Variants in PDE4D observed in about 807,000 individuals in gnomAD.
PDE4D encodes the protein phosphodiesterase 4D, also known as 3',5'-cyclic-AMP phosphodiesterase 4D.
PDE4D carries 24 observed loss-of-function variants against 87.4 expected under a neutral mutation model. The observed-to-expected ratio is 0.27, with a 90% CI of 0.20 to 0.39. The LOEUF (loss-of-function observed/expected upper bound fraction) is 0.39, where lower values mean the gene tolerates loss of function less well. Ranked by LOEUF, PDE4D falls within the 10% of genes least tolerant of loss-of-function variation. The pLI, the probability that PDE4D is intolerant of heterozygous loss-of-function variation, is 1.00. For missense variants in PDE4D, 714 were observed against 1,041.0 expected, an observed-to-expected ratio of 0.69 and a Z score of 4.32; for synonymous variants, 384 against 383.2, an observed-to-expected ratio of 1.00 and a Z score of -0.02.
chr5:59,248,034 T>A (rs1759192922), intron 1 of PDE4D, among the ~76,000 whole-genome samples: 1 of 90,838 alleles, frequency 1.1e-5, no homozygotes, highest in Non-Finnish European at 2.0e-5. Flanking sequence ...GGATACCGTA[T>A]CTATTAGTAA....
At chr5:60,508,071 T>C (rs2150252426) in intron 1 of PDE4D, among the ~76,000 whole-genome samples, 2 of 152,324 alleles carry the variant, frequency 1.3e-5, no homozygotes, top group South Asian at 4.1e-4. Context: ...CAGGTCCTTG[T>C]CACATACTGG....
chr5:59,568,340 A>C (rs1457059646), intron 1 of PDE4D, among the ~76,000 whole-genome samples: 1 of 152,134 alleles, frequency 6.6e-6, no homozygotes, highest in African/African-American at 2.4e-5. Context: ...GATATACATA[A>C]ATGCTGAATA....
chr5:60,409,000 T>C (rs1345443803), intron 1 of PDE4D, among the ~76,000 whole-genome samples: 3 of 152,224 alleles, frequency 2.0e-5, no homozygotes, highest in Non-Finnish European at 2.9e-5. Context: ...CCAGGTCCTC[T>C]GCCAGCCCAG....
At chr5:60,149,641 C>T (rs1781316880) in intron 2 of PDE4D, among the ~76,000 whole-genome samples, 1 of 151,870 alleles carries the variant, frequency 6.6e-6, no homozygotes, top group Admixed American at 6.6e-5. Flanking sequence ...TTCCAACTGG[C>T]CATTTAGAAT....
intron 6 of PDE4D, among the ~76,000 whole-genome samples, chr5:59,015,021 G>A (rs1169272748): frequency 2.0e-5 from 3 of 152,170 alleles, no homozygotes; most frequent in Non-Finnish European, 2.9e-5. Context: ...AAGAAATGGG[G>A]AAAGGATTCC....
intron 3 of PDE4D, among the ~76,000 whole-genome samples, chr5:59,187,044 T>TTTTAACCCTAAA (rs1743084000): frequency 1.3e-5 from 2 of 152,172 alleles, no homozygotes; most frequent in African/African-American, 4.8e-5. Flanking sequence ...TAGGCAAAAT[T>TTTTAACCCTAAA]TTTAACCCTA....
chr5:60,391,302 T>C (rs1343677954), intron 1 of PDE4D, among the ~76,000 whole-genome samples: 1 of 152,220 alleles, frequency 6.6e-6, no homozygotes, highest in Admixed American at 6.5e-5. Flanking sequence ...TAGATAGCTA[T>C]AAATCAGGCT....
intron 1 of PDE4D, among the ~76,000 whole-genome samples, chr5:59,601,578 GTCTT>G (rs775341870): frequency 1.1e-4 from 17 of 151,978 alleles, no homozygotes; most frequent in African/African-American, 2.2e-4. Context: ...TACTTGAACT[GTCTT>G]TCTTTTTCCT....
At chr5:59,649,901 G>T (rs1169709964) in intron 1 of PDE4D, among the ~76,000 whole-genome samples, 3 of 24,786 alleles carry the variant, frequency 1.2e-4, no homozygotes, top group Admixed American at 5.3e-4. Flanking sequence ...GATAGTTTGT[G>T]AACCTTTTTT....
At chr5:60,268,091 G>A (rs1233791722) in intron 1 of PDE4D, among the ~76,000 whole-genome samples, 1 of 152,128 alleles carries the variant, frequency 6.6e-6, no homozygotes, top group Non-Finnish European at 1.5e-5. Context: ...AACCGCTACA[G>A]CACCAAGCAC....
chr5:59,046,420 A>AATG (rs1561382650), intron 5 of PDE4D, among the ~76,000 whole-genome samples: 1 of 143,338 alleles, frequency 7.0e-6, no homozygotes, highest in Non-Finnish European at 1.5e-5. Context: ...GAGAGAGAGA[A>AATG]TGTGTGTGTG....
intron 1 of PDE4D, among the ~76,000 whole-genome samples, chr5:59,352,909 G>A (rs920530112): frequency 1.3e-5 from 2 of 152,092 alleles, no homozygotes; most frequent in African/African-American, 4.8e-5. Context: ...TAAAATGCTG[G>A]GAAGGAAAAG....
rs1035904777 is a variant in PDE4D at position 59,566,041 on chromosome 5, G to C, written c.455+327127C>G. ...AATACAAACACATGCATATGAGTGGGTGGGTTAAACTACTATACCACCTCT... is the reference window on the plus strand; with the variant it reads ...AATACAAACACATGCATATGAGTGGCTGGGTTAAACTACTATACCACCTCT... On this transcript the variant is annotated intron_variant, in intron 1 of 14. Coordinates refer to ENST00000340635, the MANE Select transcript of PDE4D (RefSeq NM_001104631.2). 2.0e-5 allele frequency among the ~76,000 whole-genome samples: 3 copies of C among 152,194 alleles called. No individual in the cohort carries two copies. In the East Asian group the frequency reaches 5.8e-4, roughly 29 times the overall value.
At chr5:60,440,330 C>T (rs960026410) in intron 1 of PDE4D, among the ~76,000 whole-genome samples, 3 of 152,072 alleles carry the variant, frequency 2.0e-5, no homozygotes, top group Non-Finnish European at 2.9e-5. Context: ...TTCCTTGTTA[C>T]TTTAGAATAC....
At chr5:59,172,621 T>C (rs910685115) in intron 5 of PDE4D, among the ~76,000 whole-genome samples, 15 of 151,602 alleles carry the variant, frequency 9.9e-5, no homozygotes, top group Admixed American at 2.6e-4. Flanking sequence ...GGTGGGAGGA[T>C]TGCTGGAGAC....
At chr5:59,502,860 A>G (rs1442084153) in intron 1 of PDE4D, among the ~76,000 whole-genome samples, 2 of 151,862 alleles carry the variant, frequency 1.3e-5, no homozygotes, top group East Asian at 3.9e-4. Flanking sequence ...CTAATTCTCA[A>G]TCACAATATC....
intron 1 of PDE4D, chr5:59,586,399 T>C (rs888132505): frequency 2.5e-5 from 41 of 1,609,568 alleles, no homozygotes; most frequent in Non-Finnish European, 3.3e-5. Context: ...CTGTCATTAA[T>C]ATTTTTCTTG....
At chr5:59,674,470 T>C (rs928133680) in intron 1 of PDE4D, among the ~76,000 whole-genome samples, 31 of 152,232 alleles carry the variant, frequency 2.0e-4, no homozygotes, top group African/African-American at 7.0e-4. Context: ...TGTCTGTCTC[T>C]AAAATCATTA....
chr5:60,495,732 A>G (rs1235531212), intron 1 of PDE4D, among the ~76,000 whole-genome samples: 1 of 152,252 alleles, frequency 6.6e-6, no homozygotes, highest in Non-Finnish European at 1.5e-5. Context: ...GAAGAGGGAT[A>G]CAGTACGTGT....
Sources: gnomAD v4.1 joint callset for allele counts (sites outside exome capture counted in the v4.1 genomes callset) on GRCh38, gnomAD v4.1.1 for gene constraint, MANE v1.5 for transcripts, NCBI Gene and HGNC (gene_info 2026-07-23, HGNC 2026-07-21) for gene names.